The following ZBTB25 variants were observed in gnomAD, a reference collection of about 807,000 sequenced individuals.
The protein encoded by ZBTB25 is zinc finger and BTB domain-containing protein 25.
In ZBTB25, 20 loss-of-function variants were observed where a neutral mutation model predicts 34.2. The ratio of observed to expected loss-of-function variants is 0.58; its 90% CI spans 0.41 to 0.85. The LOEUF is 0.85. Among genes scored for constraint, ZBTB25 ranks in the 40% least tolerant of loss-of-function variants. The probability of loss-of-function intolerance (pLI) is 0.00; values close to 1 mark genes in which losing one functional copy is unlikely to be tolerated. For synonymous variants in ZBTB25, 175 were observed against 186.4 expected, an observed-to-expected ratio of 0.94 and a Z score of 0.50; for missense variants, 437 against 521.8, an observed-to-expected ratio of 0.84 and a Z score of 1.58.
At chr14:64,503,179 G>T in intron 1 of ZBTB25, 1 of 985,470 alleles carries the variant, frequency 1.0e-6, no homozygotes, top group Non-Finnish European at 1.2e-6. Context: ...ATAATTTGAA[G>T]ATAGAAAAGG....
At chr14:64,464,237 C>T (rs1277334213) in intron 2 of ZBTB25, among the ~76,000 whole-genome samples, 4 of 141,778 alleles carry the variant, frequency 2.8e-5, no homozygotes, top group African/African-American at 7.4e-5. Flanking sequence ...CCCTATGTTG[C>T]CCAGGCTGGT....
Position 64,485,916 on chromosome 14 carries a change from C to T in ZBTB25, c.*1007G>A. 1 of 985,362 alleles carries T rather than the reference C, an allele frequency of 1.0e-6. No individual in the cohort carries two copies. Among genetic ancestry groups the T allele is most frequent in the Non-Finnish European group, 1.2e-6 (1 of 829,898 alleles). The allele number at this position is 985,362 out of a possible 1,614,324, so 61.0% of individuals were successfully genotyped here. On this transcript the variant is annotated 3_prime_UTR_variant, in exon 3 of 3. Transcript: ENST00000608382. ...TTAGTCAATGCAGTTCTAGCTCAGT[C>T]TCTGTCTCTGCATGCTTATTTATCT...
At chr14:64,453,172 CTATATA>C (rs774233482) in intron 2 of ZBTB25, among the ~76,000 whole-genome samples, 2 of 151,674 alleles carry the variant, frequency 1.3e-5, no homozygotes, top group Admixed American at 6.6e-5. Flanking sequence ...GTATCTATAT[CTATATA>C]TATATGTATG....
intron 1 of ZBTB25, among the ~76,000 whole-genome samples, chr14:64,494,524 T>C (rs1204812126): frequency 1.3e-5 from 2 of 152,012 alleles, no homozygotes; most frequent in Non-Finnish European, 2.9e-5. Flanking sequence ...TCCCAGCTAC[T>C]TGGGAGGTTG....
chr14:64,498,810 A>T (rs558104951), intron 1 of ZBTB25, among the ~76,000 whole-genome samples: 1 of 150,696 alleles, frequency 6.6e-6, no homozygotes, highest in African/African-American at 2.4e-5. Flanking sequence ...ATTTTTTTGT[A>T]TTTTTAGTCG....
At chr14:64,468,914 A>G in intron 2 of ZBTB25, 1 of 1,614,200 alleles carries the variant, frequency 6.2e-7, no homozygotes, top group Non-Finnish European at 8.5e-7. Context: ...TGATCAGGCA[A>G]CAAAGGCTAA....
chr14:64,467,842 C>T (rs1462061728), intron 2 of ZBTB25: 1 of 152,074 alleles, frequency 6.6e-6, no homozygotes, highest in Non-Finnish European at 1.5e-5. Context: ...TTAACTTGCA[C>T]TTTAGAGTCA....
At chr14:64,492,924 T>G (rs1017567217) in intron 1 of ZBTB25, among the ~76,000 whole-genome samples, 1 of 152,016 alleles carries the variant, frequency 6.6e-6, no homozygotes, top group Non-Finnish European at 1.5e-5. Flanking sequence ...AATTATAATA[T>G]GAAATAAATG....
At chr14:64,451,728 C>A (rs2078375466) in intron 2 of ZBTB25, among the ~76,000 whole-genome samples, 1 of 152,220 alleles carries the variant, frequency 6.6e-6, no homozygotes, top group Non-Finnish European at 1.5e-5. Context: ...TTCTGGCAAA[C>A]AGGAGGCTGC....
intron 2 of ZBTB25, chr14:64,459,787 T>C (rs1273801902): frequency 6.5e-7 from 1 of 1,534,468 alleles, no homozygotes; most frequent in Admixed American, 2.0e-5. Flanking sequence ...GAAGCTACTT[T>C]GAAAGTCTGG....
At position 64,487,461 on chromosome 14, in the gene ZBTB25, A is replaced by T; in HGVS notation, c.770T>A (p.Leu257His). 1 of 1,614,158 alleles carries T rather than the reference A, an allele frequency of 6.2e-7. No homozygotes were observed. Among genetic ancestry groups the T allele is most frequent in the Non-Finnish European group, 8.5e-7 (1 of 1,180,016 alleles). Residue 257 changes from leucine to histidine, a missense_variant, in exon 3 of 3, where the codon CTC becomes CAC. Leu to His is a moderately conservative substitution (Grantham distance 99, BLOSUM62 -3). Transcript: ENST00000608382. ...FDSRSNLRQH[L>H]HTHVSGSLPF... is the part of the protein sequence containing the mutation. ...CAGGGATCCAGACACATGTGTATGG[A>T]GATGTTGCCTTAGGTTACTACGGGA...
At chr14:64,471,048 C>T (rs928474544) in intron 2 of ZBTB25, 2 of 166,782 alleles carry the variant, frequency 1.2e-5, no homozygotes, top group Non-Finnish European at 2.9e-5. Flanking sequence ...TGCTAAAGCA[C>T]ATTATAATTT....
At chr14:64,468,966 G>A (rs2078639567) in intron 2 of ZBTB25, 3 of 1,614,218 alleles carry the variant, frequency 1.9e-6, no homozygotes, top group African/African-American at 2.7e-5. Flanking sequence ...CGGAAAGATG[G>A]TGATGAGGTC....
chr14:64,487,504 A>G lies in ZBTB25; in HGVS notation c.727T>C (p.Cys243Arg). ...NSVKIHLCHY[C>R]GERFDSRSNL... ...CTACGGGAATCAAAACGTTCCCCAC[A>G]GTAATGGCATAAGTGTATTTTGACA... Residue 243 changes from cysteine to arginine, a missense_variant, in exon 3 of 3, where the codon TGT becomes CGT. Physicochemically the swap from Cys to Arg is radical, Grantham distance 180. Coordinates refer to ENST00000608382, the MANE Select transcript of ZBTB25 (RefSeq NM_006977.5). The G allele has an allele frequency of 6.2e-7, 1 of 1,614,134 alleles. No individual in the cohort carries two copies. The highest frequency in any genetic ancestry group is 8.5e-7 in the Non-Finnish European group (1 of 1,179,948).
intron 1 of ZBTB25, among the ~76,000 whole-genome samples, chr14:64,495,387 T>C (rs2079233868): frequency 6.6e-6 from 1 of 152,224 alleles, no homozygotes; most frequent in Admixed American, 6.5e-5. Context: ...AAGCAGAGTT[T>C]ATAAACAGTG....
chr14:64,466,927 T>G (rs973683531), intron 2 of ZBTB25, among the ~76,000 whole-genome samples: 10 of 152,220 alleles, frequency 6.6e-5, no homozygotes, highest in Non-Finnish European at 1.5e-4. Flanking sequence ...TATCTAAGTT[T>G]GCCAATTGCA....
intron 2 of ZBTB25, among the ~76,000 whole-genome samples, chr14:64,451,849 G>C (rs2078377693): frequency 6.6e-6 from 1 of 152,184 alleles, no homozygotes; most frequent in Non-Finnish European, 1.5e-5. Context: ...CCAGTTATGA[G>C]ATGCATATGA....
intron 1 of ZBTB25, among the ~76,000 whole-genome samples, chr14:64,497,151 CAAATT>C (rs1038341966): frequency 1.4e-5 from 2 of 146,966 alleles, no homozygotes; most frequent in African/African-American, 2.4e-5. Flanking sequence ...TAAAATGAAA[CAAATT>C]AAAATCTATT....
At position 64,469,529 on chromosome 14, in the gene ZBTB25, G is replaced by C. The variant is rs148652014; in HGVS notation, c.174-19891C>G. The C allele has an allele frequency of 7.6e-5, 123 of 1,613,718 alleles. No individual in the cohort carries two copies. Among genetic ancestry groups the C allele is most frequent in the Non-Finnish European group, 9.9e-5 (117 of 1,179,972 alleles). On this transcript the variant is annotated intron_variant, in intron 2 of 2. Transcript: ENST00000555220. ...AGTAGGGGTTTTTGCTAATGATAAT[G>C]GTTTTGAGGATAGAACTTCAGAACA...
Sources: allele counts gnomAD v4.1 joint callset (sites outside exome capture counted in the v4.1 genomes callset), GRCh38; gene constraint gnomAD v4.1.1; transcripts MANE v1.5; gene names NCBI Gene and HGNC (gene_info 2026-07-23, HGNC 2026-07-21).